WFDC10B: variants seen among roughly 807,000 people sequenced by gnomAD.
WFDC10B encodes the protein protein WFDC10B.
In WFDC10B, 1 loss-of-function variant was observed where a neutral mutation model predicts 2.7. The ratio of observed to expected loss-of-function variants is 0.38; its 90% CI spans 0.13 to 1.79. The LOEUF is 1.79. WFDC10B is among the 40% of genes most tolerant of loss of function. The pLI, the probability that WFDC10B is intolerant of heterozygous loss-of-function variation, is 0.33. For missense variants in WFDC10B, 71 were observed against 87.8 expected (o/e 0.81, Z 0.76); for synonymous variants, 26 against 32.2 (o/e 0.81, Z 0.65).
At chr20:45,692,256 G>A (rs1292030277) in intron 2 of WFDC10B, among the ~76,000 whole-genome samples, 3 of 151,918 alleles carry the variant, frequency 2.0e-5, no homozygotes, top group Admixed American at 2.0e-4. Context: ...TTTCTCTCTG[G>A]CTGCCCTTAA....
intron 3 of WFDC10B, 75 bp from the exon 4 acceptor site, chr20:45,685,035 A>G: frequency 6.3e-7 from 1 of 1,587,582 alleles, no homozygotes; most frequent in South Asian, 1.1e-5. Flanking sequence ...AAGCTCCTCC[A>G]TGGCCCCAGA....
chr20:45,703,463 T>C (rs1383021674), intron 2 of WFDC10B, among the ~76,000 whole-genome samples: 1 of 152,212 alleles, frequency 6.6e-6, no homozygotes, highest in Non-Finnish European at 1.5e-5. Flanking sequence ...GATTTCCTTC[T>C]AATTGCAAAT....
At chr20:45,688,539 T>C (rs866003036) in intron 2 of WFDC10B, among the ~76,000 whole-genome samples, 2 of 152,196 alleles carry the variant, frequency 1.3e-5, no homozygotes, top group South Asian at 2.1e-4. Flanking sequence ...CCATTCTAAC[T>C]GGTGTGAGAT....
At position 45,684,658 on chromosome 20, in the gene WFDC10B, G is replaced by A. The variant is rs1983545045; in HGVS notation, c.*172C>T. The A allele has an allele frequency of 2.5e-6, 2 of 805,866 alleles. No homozygotes were observed. Among genetic ancestry groups the A allele is most frequent in the Non-Finnish European group, 3.8e-6 (2 of 530,372 alleles). 49.9% of individuals were successfully genotyped at this position (805,866 alleles called of 1,614,324 possible). On this transcript the variant is annotated 3_prime_UTR_variant, in exon 4 of 4. Transcript: ENST00000330523. ...GCAGCAAAAGAGGCAGGATCCATGGGCATTTGTTCTGGTTTATTTGACAGG... is the reference window on the plus strand; with the variant it reads ...GCAGCAAAAGAGGCAGGATCCATGGACATTTGTTCTGGTTTATTTGACAGG...
chr20:45,686,683 T>C (rs936193897), intron 2 of WFDC10B, among the ~76,000 whole-genome samples: 13 of 151,550 alleles, frequency 8.6e-5, no homozygotes, highest in Admixed American at 5.3e-4. Flanking sequence ...TTTTTTTTTT[T>C]AGACAGAGTC....
intron 2 of WFDC10B, among the ~76,000 whole-genome samples, chr20:45,688,144 G>A (rs1425409506): frequency 3.3e-5 from 5 of 150,618 alleles, no homozygotes; most frequent in African/African-American, 7.3e-5. Context: ...TTGTTCTTGC[G>A]ATAGTTTACT....
chr20:45,704,064 C>G (rs1002938814), intron 2 of WFDC10B, among the ~76,000 whole-genome samples: 3 of 152,210 alleles, frequency 2.0e-5, no homozygotes, highest in Non-Finnish European at 4.4e-5. Context: ...CTACAACTTG[C>G]TCAAGACCAC....
chr20:45,691,831 A>G (rs1426911406), intron 2 of WFDC10B, among the ~76,000 whole-genome samples: 3 of 152,276 alleles, frequency 2.0e-5, no homozygotes, highest in African/African-American at 7.2e-5. Flanking sequence ...CATTTAGTCC[A>G]TTACATTTAA....
intron 2 of WFDC10B, among the ~76,000 whole-genome samples, chr20:45,689,293 CT>C (rs1412778494): frequency 8.6e-5 from 13 of 151,758 alleles, no homozygotes; most frequent in Admixed American, 3.3e-4. Flanking sequence ...CAGCTTTGTT[CT>C]TTTGGCTTAG....
intron 2 of WFDC10B, among the ~76,000 whole-genome samples, chr20:45,701,410 G>A (rs1984154528): frequency 6.6e-6 from 1 of 152,154 alleles, no homozygotes; most frequent in Non-Finnish European, 1.5e-5. Context: ...TACATTAGCA[G>A]TAAACAAAAG....
intron 2 of WFDC10B, among the ~76,000 whole-genome samples, chr20:45,687,076 G>T (rs1483025064): frequency 6.6e-6 from 1 of 152,102 alleles, no homozygotes; most frequent in Non-Finnish European, 1.5e-5. Context: ...TGCATGTGCT[G>T]TGGGGGCTTG....
rs1245603267 is a variant in WFDC10B, at chr20:45,704,679, G to C, written c.-129-118C>G. On this transcript the variant is annotated intron_variant, in intron 1 of 3. Transcript: ENST00000330523. ...GAGTCCCTTACCAGCAACTGTGCTG[G>C]ATCTCTCCTTTTTTTTTTTTTTCCT... is the stretch of plus-strand genomic sequence containing the variant. 4 of 1,511,862 alleles carry C rather than the reference G, an allele frequency of 2.6e-6. No homozygotes were observed. The Middle Eastern group carries it at 7.2e-4, about 270-fold the overall frequency. 93.7% of individuals were successfully genotyped at this position (1,511,862 alleles called of 1,614,324 possible). A position where few individuals can be genotyped will look rare whatever the true frequency, so the allele number is the denominator to read the frequency against.
intron 2 of WFDC10B, among the ~76,000 whole-genome samples, chr20:45,694,845 C>A (rs1414930003): frequency 6.6e-6 from 1 of 152,130 alleles, no homozygotes; most frequent in African/African-American, 2.4e-5. Context: ...ACCCACTCTC[C>A]TCCAGGAAGT....
intron 1 of WFDC10B, 27 bp from the exon 2 acceptor site, chr20:45,704,588 G>T (rs142436120): frequency 2.9e-5 from 47 of 1,613,864 alleles, no homozygotes; most frequent in Non-Finnish European, 3.7e-5. Context: ...TTTCAAAAGC[G>T]CAACAGGTAA....
At chr20:45,699,018 G>GA (rs1306188987) in intron 2 of WFDC10B, among the ~76,000 whole-genome samples, 58 of 150,490 alleles carry the variant, frequency 3.9e-4, no homozygotes, top group African/African-American at 1.4e-3. Flanking sequence ...GGAAGAAGAA[G>GA]AAGAAAGAAA....
At chr20:45,699,136 C>G (rs868246374) in intron 2 of WFDC10B, among the ~76,000 whole-genome samples, 1 of 152,078 alleles carries the variant, frequency 6.6e-6, no homozygotes, top group Non-Finnish European at 1.5e-5. Flanking sequence ...TAAGTGCTGA[C>G]AAGCATGTGG....
chr20:45,685,269 T>C (rs921271786), intron 3 of WFDC10B, among the ~76,000 whole-genome samples: 39 of 152,256 alleles, frequency 2.6e-4, no homozygotes, highest in Non-Finnish European at 5.1e-4. Context: ...ATAGAATCTA[T>C]GGTCTGACCC....
At chr20:45,687,476 C>A (rs750892494) in intron 2 of WFDC10B, among the ~76,000 whole-genome samples, 1 of 152,116 alleles carries the variant, frequency 6.6e-6, no homozygotes, top group Non-Finnish European at 1.5e-5. Context: ...TGAACATATG[C>A]ATGCATGTGT....
At position 45,684,905 on chromosome 20, in the gene WFDC10B, T is replaced by C. The variant is rs753922724; in HGVS notation, c.147A>G (p.Ser49=). ...TATTTGTTTCACACTTTTGGAAATATGAACAGTGGTGGATGCATAGATCTA... is the reference window on the plus strand; with the variant it reads ...TATTTGTTTCACACTTTTGGAAATACGAACAGTGGTGGATGCATAGATCTA... The part of the protein sequence containing the change: ...PSIDLCIHHC[S]YFQKCETNKI... Residue 49 remains serine, a synonymous_variant, in exon 4 of 4, where the codon TCA becomes TCG. Coordinates refer to ENST00000330523, the MANE Select transcript of WFDC10B (RefSeq NM_172006.2). 3.7e-6 allele frequency: 6 copies of C among 1,614,072 alleles called. No homozygotes were observed. Among genetic ancestry groups the C allele is most frequent in the Admixed American group, 1.7e-5 (1 of 60,000 alleles).
Sources: allele counts gnomAD v4.1 joint callset (sites outside exome capture counted in the v4.1 genomes callset), GRCh38; gene constraint gnomAD v4.1.1; transcripts MANE v1.5; gene names NCBI Gene and HGNC (gene_info 2026-07-23, HGNC 2026-07-21).